The following JARID2 variants were observed in gnomAD, a reference collection of about 807,000 sequenced individuals.
JARID2 encodes protein Jumonji.
JARID2 carries 21 observed loss-of-function variants against 125.6 expected under a neutral mutation model. That is an observed-to-expected ratio of 0.17 (90% CI 0.12 to 0.24). The LOEUF is 0.24. Ranked by LOEUF, JARID2 falls within the 10% of genes least tolerant of loss-of-function variation. The probability of loss-of-function intolerance (pLI) is 1.00; values close to 1 mark genes in which losing one functional copy is unlikely to be tolerated. For missense variants in JARID2, 1,303 were observed against 1,639.6 expected, an observed-to-expected ratio of 0.79 and a Z score of 3.55; for synonymous variants, 736 against 661.6, an observed-to-expected ratio of 1.11 and a Z score of -1.73.
intron 1 of JARID2, among the ~76,000 whole-genome samples, chr6:15,356,672 AGTT>A (rs1170433225): frequency 6.6e-6 from 1 of 152,100 alleles, no homozygotes; most frequent in Non-Finnish European, 1.5e-5. Flanking sequence ...CAAGCGACTG[AGTT>A]GTTTTCATTA....
In JARID2 at chr6:15,420,823, C is replaced by T. The variant is rs143029384; in HGVS notation, c.323+10458C>T. ...TTTCCCTGCTACTCAGGCAAAAACC[C>T]TTACGAGTATTTTACTTGATGTCCT... On this transcript the variant is annotated intron_variant, in intron 3 of 17. Coordinates refer to ENST00000341776, the MANE Select transcript of JARID2 (RefSeq NM_004973.4). Among the ~76,000 whole-genome samples, 4 of 152,334 alleles carry T rather than the reference C, an allele frequency of 2.6e-5. No homozygotes were observed. The East Asian group carries it at 7.7e-4, about 29-fold the overall frequency.
intron 1 of JARID2, among the ~76,000 whole-genome samples, chr6:15,365,031 T>A (rs541250470): frequency 6.6e-6 from 1 of 152,322 alleles, no homozygotes; most frequent in South Asian, 2.1e-4. Flanking sequence ...AAGGCATTAG[T>A]GATTAAAAGA....
chr6:15,439,058 G>C (rs955644393), intron 3 of JARID2, among the ~76,000 whole-genome samples: 1 of 151,728 alleles, frequency 6.6e-6, no homozygotes, highest in African/African-American at 2.4e-5. Context: ...AGGTGTGGGG[G>C]GTGCTTTTTC....
chr6:15,365,220 C>T (rs972417217), intron 1 of JARID2, among the ~76,000 whole-genome samples: 1 of 152,106 alleles, frequency 6.6e-6, no homozygotes, highest in East Asian at 1.9e-4. Context: ...ATTTGATTTC[C>T]TCGCCACCAC....
rs1765406932 is a variant in JARID2, at chr6:15,400,930, T to C, written c.182-9294T>C. On this transcript the variant is annotated intron_variant, in intron 2 of 17. Transcript: ENST00000341776. Reference sequence around the variant, plus strand: ...CTGTCCTTCTTCCTCTCTGTCTCTCTGCAATGATCCGGCTCTGAGGATGGC... The same window carrying C: ...CTGTCCTTCTTCCTCTCTGTCTCTCCGCAATGATCCGGCTCTGAGGATGGC... 4 of 1,289,324 alleles carry C rather than the reference T, an allele frequency of 3.1e-6. No individual in the cohort carries two copies. In the Admixed American group the frequency reaches 6.9e-5, roughly 22 times the overall value. 79.9% of individuals were successfully genotyped at this position (1,289,324 alleles called of 1,614,324 possible). A position where few individuals can be genotyped will look rare whatever the true frequency, so the allele number is the denominator to read the frequency against.
chr6:15,262,953 A>G (rs1158888532), intron 1 of JARID2, among the ~76,000 whole-genome samples: 1 of 151,462 alleles, frequency 6.6e-6, no homozygotes, highest in Non-Finnish European at 1.5e-5. Flanking sequence ...TACTAAATTT[A>G]TTTTCTGTCA....
intron 2 of JARID2, among the ~76,000 whole-genome samples, chr6:15,408,034 T>C (rs1302216567): frequency 6.6e-6 from 1 of 152,082 alleles, no homozygotes; most frequent in Non-Finnish European, 1.5e-5. Context: ...GAGGCTGAGG[T>C]GACTGGATCC....
At chr6:15,250,191 A>G (rs1385133942) in intron 1 of JARID2, among the ~76,000 whole-genome samples, 1 of 152,234 alleles carries the variant, frequency 6.6e-6, no homozygotes, top group East Asian at 1.9e-4. Flanking sequence ...TTCTGATTTG[A>G]AAGTGTATGA....
rs1315717762 is a variant in JARID2, at chr6:15,487,559, G to T, written c.906+17G>T. 2 of 1,558,536 alleles carry T rather than the reference G, an allele frequency of 1.3e-6. No homozygotes were observed. The highest frequency in any genetic ancestry group is 2.3e-5 in the East Asian group (1 of 44,142). On this transcript the variant is annotated intron_variant, in intron 6 of 17. Transcript: ENST00000341776. Reference sequence around the variant, plus strand: ...CGGAAACAGGTAAAGTCCAGCAGGGGTGCCTACATGTGTGCCAGACCCCAG... The same window carrying T: ...CGGAAACAGGTAAAGTCCAGCAGGGTTGCCTACATGTGTGCCAGACCCCAG...
At chr6:15,325,407 T>C (rs570517907) in intron 1 of JARID2, among the ~76,000 whole-genome samples, 4 of 152,224 alleles carry the variant, frequency 2.6e-5, no homozygotes, top group Non-Finnish European at 4.4e-5. Context: ...AGCATATTGA[T>C]TTCCTATTAG....
intron 3 of JARID2, among the ~76,000 whole-genome samples, chr6:15,422,527 G>T (rs188858120): frequency 6.6e-6 from 1 of 152,272 alleles, no homozygotes; most frequent in African/African-American, 2.4e-5. Context: ...CTGTTTCCTG[G>T]AGGCTGCACA....
intron 1 of JARID2, among the ~76,000 whole-genome samples, chr6:15,302,820 C>T (rs1255356085): frequency 2.0e-5 from 3 of 152,150 alleles, no homozygotes; most frequent in Non-Finnish European, 2.9e-5. Context: ...CTGCAACCTC[C>T]GCCTCCTGGG....
intron 3 of JARID2, among the ~76,000 whole-genome samples, chr6:15,416,386 A>AGGTGCCTGGT (rs1766213038): frequency 1.3e-5 from 2 of 152,216 alleles, no homozygotes; most frequent in Non-Finnish European, 2.9e-5. Context: ...ACTGCACTCC[A>AGGTGCCTGGT]GCCTGGGCAC....
intron 1 of JARID2, among the ~76,000 whole-genome samples, chr6:15,299,054 T>A (rs917416724): frequency 2.6e-5 from 4 of 151,346 alleles, no homozygotes; most frequent in African/African-American, 9.7e-5. Context: ...AATTTTGGGG[T>A]GCTTGGGTTC....
intron 3 of JARID2, among the ~76,000 whole-genome samples, chr6:15,418,329 T>A (rs115491128): frequency 2.9e-3 from 436 of 150,540 alleles, no homozygotes; most frequent in Non-Finnish European, 4.9e-3. Context: ...AGCCATTCCA[T>A]GCCTCAGCCT....
intron 5 of JARID2, among the ~76,000 whole-genome samples, chr6:15,478,273 C>T (rs1769445972): frequency 6.6e-6 from 1 of 152,054 alleles, no homozygotes; most frequent in Non-Finnish European, 1.5e-5. Context: ...ATTATTTAGC[C>T]TCTTTAAGCT....
chr6:15,436,533 T>C (rs1317154994), intron 3 of JARID2, among the ~76,000 whole-genome samples: 2 of 152,140 alleles, frequency 1.3e-5, no homozygotes, highest in Non-Finnish European at 2.9e-5. Context: ...AGGGTGGTCT[T>C]GGAAAATGCA....
chr6:15,385,236 A>G (rs773410119), intron 2 of JARID2, among the ~76,000 whole-genome samples: 64 of 152,218 alleles, frequency 4.2e-4, no homozygotes, highest in African/African-American at 1.3e-3. Context: ...TGATCCTTCT[A>G]TTGAGAATTC....
At chr6:15,495,570 T>A (rs1355500245) in intron 6 of JARID2, among the ~76,000 whole-genome samples, 1 of 152,212 alleles carries the variant, frequency 6.6e-6, no homozygotes, top group Non-Finnish European at 1.5e-5. Flanking sequence ...GCACTGCTGT[T>A]CTTTTGCTTC....
Sources: allele counts gnomAD v4.1 joint callset (sites outside exome capture counted in the v4.1 genomes callset), GRCh38; gene constraint gnomAD v4.1.1; transcripts MANE v1.5; gene names NCBI Gene and HGNC (gene_info 2026-07-23, HGNC 2026-07-21).